SVEP1: variants seen among roughly 807,000 people sequenced by gnomAD.
The protein encoded by SVEP1 is sushi, von Willebrand factor type A, EGF and pentraxin domain containing 1.
A neutral mutation model predicts 367.3 loss-of-function variants in SVEP1; 164 were observed. The observed-to-expected ratio is 0.45, with a 90% confidence interval of 0.39 to 0.51. The LOEUF (loss-of-function observed/expected upper bound fraction) is 0.51, where lower values mean the gene tolerates loss of function less well. SVEP1 is among the 20% of genes least tolerant of loss of function. The pLI is 0.00. For missense variants in SVEP1, 4,117 were observed against 4,425.3 expected (o/e 0.93, Z 1.98); for synonymous variants, 1,666 against 1,611.6 (o/e 1.03, Z -0.81).
chr9:110,406,882 G>C lies in SVEP1; in HGVS notation c.8718C>G (p.Asp2906Glu), dbSNP rs1316556300. The C allele has an allele frequency of 7.4e-6, 12 of 1,613,966 alleles. No individual in the cohort carries two copies. Among genetic ancestry groups the C allele is most frequent in the Non-Finnish European group, 1.0e-5 (12 of 1,179,888 alleles). Residue 2906 changes from aspartate to glutamate, a missense_variant, in exon 38 of 48, where the codon GAC (aspartate) becomes GAG (glutamate). Around this residue, in one of 4 missense-constraint regions of SVEP1, gnomAD observed 1,765 missense variants for 1,781.1 expected, o/e 0.99. Coordinates refer to ENST00000374469, the MANE Select transcript of SVEP1 (RefSeq NM_153366.4). Reference sequence around the variant, plus strand: ...ATGTTACTTCCTTCATGAAGCCATAGTCCAGGCCTTCCGTCACCCCATTGG... The same window carrying C: ...ATGTTACTTCCTTCATGAAGCCATACTCCAGGCCTTCCGTCACCCCATTGG... ...QLANGVTEGL[D>E]YGFMKEVTFH...
chr9:110,511,948 G>A (rs1588087039), intron 5 of SVEP1, among the ~76,000 whole-genome samples: 1 of 152,108 alleles, frequency 6.6e-6, no homozygotes, highest in African/African-American at 2.4e-5. Flanking sequence ...ATGACTAGTG[G>A]ATGTGGTGGG....
intron 47 of SVEP1, 108 bp from the exon 48 acceptor site, chr9:110,366,668 C>T: frequency 2.7e-6 from 3 of 1,097,536 alleles, no homozygotes; most frequent in Non-Finnish European, 3.8e-6. Flanking sequence ...GTCCCAGATA[C>T]CTGGGCATTA....
intron 1 of SVEP1, among the ~76,000 whole-genome samples, chr9:110,551,586 T>C (rs1830286967): frequency 6.6e-6 from 1 of 152,214 alleles, no homozygotes; most frequent in African/African-American, 2.4e-5. Context: ...GGGTGGCTTC[T>C]GCGACGGAGT....
chr9:110,515,283 C>T (rs1829784853), intron 3 of SVEP1, among the ~76,000 whole-genome samples: 1 of 149,052 alleles, frequency 6.7e-6, no homozygotes. Flanking sequence ...AAGCAATGTG[C>T]ATTTATGTGG....
chr9:110,523,233 T>A (rs142743761), intron 3 of SVEP1, among the ~76,000 whole-genome samples: 23 of 152,312 alleles, frequency 1.5e-4, no homozygotes, highest in Non-Finnish European at 2.8e-4. Context: ...TACTTTTCAT[T>A]CTCTGCAAGT....
chr9:110,407,177 T>C lies in SVEP1; in HGVS notation c.8423A>G (p.Asn2808Ser), dbSNP rs759011224. ...CTGGCATGTTCTCCTCTCAGTGCCA[T>C]TCAGCACATATCCGGGGTCACACTC... ...YYECDPGYVL[N>S]GTERRTCQDD... The change falls in exon 38 of 48, where the codon AAT (asparagine) becomes AGT (serine). Residue 2808 changes from asparagine (N) to serine (S), a missense_variant. Asn to Ser is a conservative substitution (Grantham distance 46). Coordinates refer to ENST00000374469, the MANE Select transcript of SVEP1 (RefSeq NM_153366.4). 6.2e-6 allele frequency: 10 copies of C among 1,613,894 alleles called. No individual in the cohort carries two copies. The highest frequency in any genetic ancestry group is 8.5e-6 in the Non-Finnish European group (10 of 1,179,904).
chr9:110,517,454 T>C (rs1055620760), intron 3 of SVEP1, among the ~76,000 whole-genome samples: 4 of 151,292 alleles, frequency 2.6e-5, no homozygotes, highest in African/African-American at 9.7e-5. Flanking sequence ...AAAAGTTAGC[T>C]GGACATGGTG....
chr9:110,435,300 T>C lies in SVEP1; in HGVS notation c.4829A>G (p.Asp1610Gly), dbSNP rs774856297. 5.0e-6 allele frequency: 8 copies of C among 1,613,680 alleles called. No homozygotes were observed. In the South Asian group the frequency reaches 5.5e-5, roughly 11 times the overall value. ...TTTCCCCACAATTCCTGACAAGAAATCAGGCCATGCTAACACGTTTCCTTT... is the reference window on the plus strand; with the variant it reads ...TTTCCCCACAATTCCTGACAAGAAACCAGGCCATGCTAACACGTTTCCTTT... ...LSKGNVLAWP[D>G]FLSGIVGKVK... The change falls in exon 29 of 48, where the codon GAT becomes GGT. Residue 1610 changes from aspartate (D) to glycine (G), a missense_variant. Around this residue, in one of 4 missense-constraint regions of SVEP1, gnomAD observed 2,174 missense variants for 2,494.3 expected, o/e 0.87. Transcript: ENST00000374469.
intron 20 of SVEP1, among the ~76,000 whole-genome samples, chr9:110,457,611 T>C (rs577239702): frequency 2.0e-5 from 3 of 152,306 alleles, no homozygotes; most frequent in South Asian, 2.1e-4. Context: ...TAGAATACAA[T>C]TGATATTTTG....
At position 110,458,406 on chromosome 9, in the gene SVEP1, G is replaced by C. The variant is rs371471356; in HGVS notation, c.3576+65C>G. The C allele has an allele frequency of 1.4e-5, 19 of 1,376,320 alleles. No homozygotes were observed. The South Asian group carries it at 2.0e-4, about 15-fold the overall frequency. The allele number at this position is 1,376,320 out of a possible 1,614,324, so 85.3% of individuals were successfully genotyped here. The stretch of plus-strand genomic sequence containing the variant: ...TCCTGGTCCTTTTCCTGTGTGTGAT[G>C]TGTAAAATGACAAATTGCTTTCCAA... On this transcript the variant is annotated intron_variant, in intron 20 of 47. Coordinates refer to ENST00000374469, the MANE Select transcript of SVEP1 (RefSeq NM_153366.4).
intron 43 of SVEP1, among the ~76,000 whole-genome samples, chr9:110,383,671 AGCCT>A (rs1223858171): frequency 6.6e-6 from 1 of 152,220 alleles, no homozygotes; most frequent in African/African-American, 2.4e-5. Flanking sequence ...CCACTAGTCC[AGCCT>A]GCCTGGATTC....
chr9:110,512,736 G>A (rs952727401), intron 5 of SVEP1, 190 bp downstream of exon 5: 28 of 697,962 alleles, frequency 4.0e-5, no homozygotes, highest in Middle Eastern at 2.9e-4. Context: ...TATAAAAGGC[G>A]TAGTTTACAA....
intron 43 of SVEP1, among the ~76,000 whole-genome samples, chr9:110,382,949 G>A (rs1028219851): frequency 1.3e-5 from 2 of 152,180 alleles, no homozygotes; most frequent in South Asian, 4.2e-4. Context: ...TCTGGTTAAC[G>A]GATCCTGTAA....
At chr9:110,573,813 C>T (rs1041587463) in intron 1 of SVEP1, among the ~76,000 whole-genome samples, 1 of 152,152 alleles carries the variant, frequency 6.6e-6, no homozygotes, top group East Asian at 1.9e-4. Flanking sequence ...GAACAAACAG[C>T]TGAAGAGCTT....
At chr9:110,483,776 G>A in intron 9 of SVEP1, 83 bp from the exon 10 acceptor site, 1 of 989,292 alleles carries the variant, frequency 1.0e-6, no homozygotes. Flanking sequence ...ACTGAAGTCG[G>A]CTTGTGCTGG....
At chr9:110,555,307 A>C (rs1290176129) in intron 1 of SVEP1, among the ~76,000 whole-genome samples, 1 of 152,104 alleles carries the variant, frequency 6.6e-6, no homozygotes, top group Non-Finnish European at 1.5e-5. Context: ...CTATTTCTTC[A>C]ATGAATGAAT....
chr9:110,463,772 A>G (rs1238959441), intron 18 of SVEP1, among the ~76,000 whole-genome samples: 1 of 152,024 alleles, frequency 6.6e-6, no homozygotes, highest in East Asian at 1.9e-4. Context: ...AGGAGTTAAA[A>G]ACTAACAAAA....
chr9:110,387,518 T>G, intron 41 of SVEP1, 60 bp from the exon 42 acceptor site: 2 of 1,467,838 alleles, frequency 1.4e-6, no homozygotes, highest in African/African-American at 1.4e-5. Flanking sequence ...TTCCTTCTTT[T>G]CCTATGATTG....
At chr9:110,494,683 G>GT (rs1404286031) in intron 8 of SVEP1, among the ~76,000 whole-genome samples, 1 of 152,098 alleles carries the variant, frequency 6.6e-6, no homozygotes, top group African/African-American at 2.4e-5. Context: ...TGACAGCATC[G>GT]TGAGTTCTTT....
Sources: allele counts gnomAD v4.1 joint callset (sites outside exome capture counted in the v4.1 genomes callset), GRCh38; gene constraint gnomAD v4.1.1; regional missense constraint gnomAD v4.1.1; transcripts MANE v1.5; gene names NCBI Gene and HGNC (gene_info 2026-07-23, HGNC 2026-07-21).